HYAL4: variants seen among roughly 807,000 people sequenced by gnomAD.
HYAL4 encodes the protein hyaluronidase-4.
HYAL4 carries 37 observed loss-of-function variants against 35.2 expected under a neutral mutation model. The observed-to-expected ratio is 1.05, with a 90% confidence interval of 0.81 to 1.38. The LOEUF (loss-of-function observed/expected upper bound fraction) is 1.38. Ranked by LOEUF, HYAL4 falls within the 40% of genes most tolerant of loss-of-function variation. The pLI is 0.00. For synonymous variants in HYAL4, 198 were observed against 203.2 expected (o/e 0.97, Z 0.22); for missense variants, 572 against 572.4 (o/e 1.00, Z 0.01).
the HYAL4 span, among the ~76,000 whole-genome samples, chr7:123,785,875 A>G: frequency 4.6e-5 from 7 of 152,188 alleles, no homozygotes; most frequent in Admixed American, 3.9e-4. The surrounding 1 kb of genome is among the most constrained non-coding windows in gnomAD (Gnocchi z 4.5). Flanking sequence ...TTGATTTGCT[A>G]TCCTAGGCAA....
At chr7:123,848,927 A>T (rs748390933) in intron 2 of HYAL4, among the ~76,000 whole-genome samples, 2 of 152,146 alleles carry the variant, frequency 1.3e-5, no homozygotes, top group Non-Finnish European at 2.9e-5. Flanking sequence ...ATTTAGAGAT[A>T]ACAGTCATCT....
chr7:123,774,601 A>C, the HYAL4 span, among the ~76,000 whole-genome samples: 3 of 152,156 alleles, frequency 2.0e-5, no homozygotes, highest in African/African-American at 7.2e-5. Flanking sequence ...ATCTCCTTGA[A>C]ATGCAAAGCA....
intron 1 of HYAL4, among the ~76,000 whole-genome samples, chr7:123,847,624 A>G (rs528408907): frequency 2.6e-5 from 4 of 152,218 alleles, no homozygotes; most frequent in African/African-American, 9.6e-5. Flanking sequence ...GAAAATACAA[A>G]AAAATTAGCT....
chr7:123,840,106 T>A (rs990496592), upstream of HYAL4, among the ~76,000 whole-genome samples: 1 of 152,172 alleles, frequency 6.6e-6, no homozygotes, highest in East Asian at 1.9e-4. Context: ...TCTTCTAGGG[T>A]TTTTATGGCT....
At chr7:123,791,643 C>T in the HYAL4 span, among the ~76,000 whole-genome samples, 1 of 152,186 alleles carries the variant, frequency 6.6e-6, no homozygotes, top group Non-Finnish European at 1.5e-5. Context: ...GTGCACAGGG[C>T]CATTTTGTAT....
the HYAL4 span, among the ~76,000 whole-genome samples, chr7:123,811,896 C>A: frequency 1.3e-5 from 2 of 152,038 alleles, no homozygotes; most frequent in South Asian, 4.1e-4. Context: ...GGCTGGAGTG[C>A]GGTGGCACAA....
At chr7:123,773,755 A>G in the HYAL4 span, among the ~76,000 whole-genome samples, 1 of 152,240 alleles carries the variant, frequency 6.6e-6, no homozygotes, top group African/African-American at 2.4e-5. Flanking sequence ...AATTCAAACA[A>G]TATCTCAATC....
chr7:123,768,164 C>T, the HYAL4 span, among the ~76,000 whole-genome samples: 1 of 152,022 alleles, frequency 6.6e-6, no homozygotes, highest in Non-Finnish European at 1.5e-5. Context: ...TATTAGGCAG[C>T]CACTTCATCC....
chr7:123,846,008 G>T (rs747939259), intron 1 of HYAL4, among the ~76,000 whole-genome samples: 6 of 152,178 alleles, frequency 3.9e-5, no homozygotes, highest in Non-Finnish European at 8.8e-5. Flanking sequence ...TAAACCATCT[G>T]CAGGTCTCTC....
intron 1 of HYAL4, among the ~76,000 whole-genome samples, chr7:123,835,801 T>A (rs1266136773): frequency 1.3e-5 from 2 of 152,178 alleles, no homozygotes; most frequent in African/African-American, 4.8e-5. Flanking sequence ...GGTTCAAAAA[T>A]TTTTTAAATT....
the HYAL4 span, among the ~76,000 whole-genome samples, chr7:123,769,402 G>A: frequency 6.6e-6 from 1 of 152,172 alleles, no homozygotes; most frequent in Non-Finnish European, 1.5e-5. Context: ...GGAAGCAGGA[G>A]TAGGCAGAAG....
chr7:123,869,780 T>G (rs1321775141), intron 3 of HYAL4, among the ~76,000 whole-genome samples: 1 of 151,444 alleles, frequency 6.6e-6, no homozygotes, highest in Non-Finnish European at 1.5e-5. Flanking sequence ...CCCCACCTCC[T>G]GGGTTCAAGC....
In HYAL4 at chr7:123,868,901, C is replaced by G; in HGVS notation, c.628C>G (p.Arg210Gly). The G allele has an allele frequency of 6.2e-7, 1 of 1,614,136 alleles. No individual in the cohort carries two copies. The highest frequency in any genetic ancestry group is 8.5e-7 in the Non-Finnish European group (1 of 1,180,008). Residue 210 changes from arginine (R) to glycine (G), a missense_variant, in exon 3 of 5, where the codon CGA becomes GGA. Arg to Gly is a moderately radical substitution (Grantham distance 125). Transcript: ENST00000223026. ...AACCATCAAATTGGGAATTAAGAGC[C>G]GACCCAAAGGCCTTTGGGGTTATTA... Reference protein sequence around the residue: ...KETIKLGIKSRPKGLWGYYLY... With the variant: ...KETIKLGIKSGPKGLWGYYLY...
At chr7:123,858,943 C>T (rs568755634) in intron 2 of HYAL4, among the ~76,000 whole-genome samples, 1 of 151,942 alleles carries the variant, frequency 6.6e-6, no homozygotes, top group Admixed American at 6.6e-5. Flanking sequence ...GGACGTAATT[C>T]AAAGAAAGCA....
intron 1 of HYAL4, among the ~76,000 whole-genome samples, chr7:123,832,361 G>C (rs1298373764): frequency 6.6e-6 from 1 of 151,014 alleles, no homozygotes; most frequent in Admixed American, 6.6e-5. Flanking sequence ...GTGGTGATTT[G>C]TGAGATTTTG....
At chr7:123,858,809 A>G (rs892722591) in intron 2 of HYAL4, among the ~76,000 whole-genome samples, 3 of 152,174 alleles carry the variant, frequency 2.0e-5, no homozygotes, top group African/African-American at 7.2e-5. Flanking sequence ...AAAAATAATG[A>G]AACTTCTTCT....
the HYAL4 span, among the ~76,000 whole-genome samples, chr7:123,813,386 C>T: frequency 1.3e-5 from 2 of 151,952 alleles, no homozygotes; most frequent in East Asian, 3.9e-4. Flanking sequence ...GTTAAAGGGG[C>T]CTAAAGAGAC....
chr7:123,764,145 A>C, the HYAL4 span, among the ~76,000 whole-genome samples: 1 of 152,068 alleles, frequency 6.6e-6, no homozygotes, highest in African/African-American at 2.4e-5. Context: ...ACCACGCCTG[A>C]CTAATTATTT....
At chr7:123,821,100 G>A in the HYAL4 span, among the ~76,000 whole-genome samples, 1 of 152,138 alleles carries the variant, frequency 6.6e-6, no homozygotes, top group Non-Finnish European at 1.5e-5. Flanking sequence ...GAATAGTGCT[G>A]CAATATACAT....
Sources: gnomAD v4.1 joint callset for allele counts (sites outside exome capture counted in the v4.1 genomes callset) on GRCh38, gnomAD v4.1.1 for gene constraint, Gnocchi (gnomAD v3.1) non-coding constraint, MANE v1.5 for transcripts, NCBI Gene and HGNC (gene_info 2026-07-23, HGNC 2026-07-21) for gene names.